The following NRXN1 variants were observed in gnomAD, a reference collection of about 807,000 sequenced individuals.
NRXN1 encodes neurexin 1.
NRXN1 carries 39 observed loss-of-function variants against 150.9 expected under a neutral mutation model. That is an observed-to-expected ratio of 0.26 (90% CI 0.20 to 0.34). The LOEUF is 0.34. NRXN1 is among the 10% of genes least tolerant of loss of function. The pLI is 1.00. For synonymous variants in NRXN1, 924 were observed against 757.0 expected, an observed-to-expected ratio of 1.22 and a Z score of -3.62; for missense variants, 1,815 against 1,949.9, an observed-to-expected ratio of 0.93 and a Z score of 1.30.
At chr2:50,620,703 A>C (rs1679857145) in intron 7 of NRXN1, among the ~76,000 whole-genome samples, 1 of 152,180 alleles carries the variant, frequency 6.6e-6, no homozygotes, top group Admixed American at 6.5e-5. Context: ...GAAAAGGCAA[A>C]ACAACCAGTA....
intron 5 of NRXN1, among the ~76,000 whole-genome samples, chr2:50,630,397 A>G (rs1682061532): frequency 6.6e-6 from 1 of 151,672 alleles, no homozygotes; most frequent in Non-Finnish European, 1.5e-5. Context: ...TCACACAAAA[A>G]TTGATTCTCA....
chr2:50,394,790 G>C (rs1412838245), intron 17 of NRXN1, among the ~76,000 whole-genome samples: 1 of 152,004 alleles, frequency 6.6e-6, no homozygotes, highest in East Asian at 1.9e-4. Context: ...TAACCTGAAT[G>C]ATATGAGAAG....
chr2:50,960,985 T>C (rs1053813762), intron 2 of NRXN1, among the ~76,000 whole-genome samples: 1 of 151,956 alleles, frequency 6.6e-6, no homozygotes, highest in African/African-American at 2.4e-5. Flanking sequence ...ACCACCATTT[T>C]CGGGTGAGTA....
intron 18 of NRXN1, among the ~76,000 whole-genome samples, chr2:50,214,244 A>G (rs1398791551): frequency 1.3e-5 from 2 of 151,968 alleles, no homozygotes; most frequent in Admixed American, 1.3e-4. Context: ...GCCCTGTAGG[A>G]AGAACTAGCA....
rs141685174 is a variant in NRXN1, at chr2:50,298,039, C to T, written c.3365-61069G>A. Among the ~76,000 whole-genome samples, 943 of 151,938 alleles carry T rather than the reference C, an allele frequency of 6.2e-3. 10 individuals are homozygous for T. Among genetic ancestry groups the T allele is most frequent in the Non-Finnish European group, 7.2e-3 (487 of 67,970 alleles). ...TCTCAATATTTTAGCTTTCCCTAATCGGCTTAATTTTAATATTAAAATATT... is the reference window on the plus strand; with the variant it reads ...TCTCAATATTTTAGCTTTCCCTAATTGGCTTAATTTTAATATTAAAATATT... On this transcript the variant is annotated intron_variant, in intron 17 of 22. Coordinates refer to ENST00000401669, the MANE Select transcript of NRXN1 (RefSeq NM_001330078.2).
At chr2:50,765,692 G>A (rs552744622) in intron 5 of NRXN1, among the ~76,000 whole-genome samples, 96 of 152,114 alleles carry the variant, frequency 6.3e-4, no homozygotes, top group Admixed American at 1.5e-3. Context: ...AAGCACTTGC[G>A]CAGTAATTCA....
chr2:50,578,622 T>C (rs771013564), intron 8 of NRXN1, among the ~76,000 whole-genome samples: 7 of 152,172 alleles, frequency 4.6e-5, no homozygotes, highest in Non-Finnish European at 1.0e-4. Context: ...TGTGCATGTG[T>C]GTATTTAATT....
chr2:50,397,617 T>G (rs1402127), intron 17 of NRXN1, among the ~76,000 whole-genome samples: 84,825 of 151,840 alleles, frequency 0.56, 24,802 homozygotes, highest in East Asian at 0.81. Flanking sequence ...TCTCTCTTTT[T>G]TAAATCTGAG....
chr2:50,136,195 G>A (rs1403667741), intron 18 of NRXN1, among the ~76,000 whole-genome samples: 1 of 152,088 alleles, frequency 6.6e-6, no homozygotes, highest in East Asian at 1.9e-4. Context: ...AGCTGTAGAG[G>A]GAGAGCATAT....
chr2:50,500,877 A>T (rs2091905724), intron 13 of NRXN1, among the ~76,000 whole-genome samples: 1 of 152,186 alleles, frequency 6.6e-6, no homozygotes, highest in African/African-American at 2.4e-5. Flanking sequence ...TTCACTTAAA[A>T]TTGCTGATTG....
intron 18 of NRXN1, among the ~76,000 whole-genome samples, chr2:50,200,161 A>G (rs73930306): frequency 0.019 from 2,969 of 152,302 alleles, 101 homozygotes; most frequent in African/African-American, 0.068. Context: ...TACACCAGTA[A>G]ACAAAACCTA....
intron 5 of NRXN1, among the ~76,000 whole-genome samples, chr2:50,870,144 T>C (rs1277529202): frequency 6.6e-6 from 1 of 151,930 alleles, no homozygotes; most frequent in Non-Finnish European, 1.5e-5. Context: ...ATCAAATATG[T>C]GAAATTTGGA....
chr2:50,278,361 G>T (rs2070939895), intron 17 of NRXN1, among the ~76,000 whole-genome samples: 1 of 139,644 alleles, frequency 7.2e-6, no homozygotes, highest in Admixed American at 7.5e-5. Flanking sequence ...CACCATGTTA[G>T]CCAGGCTGGT....
chr2:50,252,233 C>CTTTTTTTTTTTT (rs55993018), intron 17 of NRXN1, among the ~76,000 whole-genome samples: 9 of 94,910 alleles, frequency 9.5e-5, no homozygotes, highest in East Asian at 3.3e-4. Flanking sequence ...ACATTTTGTC[C>CTTTTTTTTTTTT]TTTTTTTTTT....
chr2:50,883,125 T>A (rs1287730520), intron 5 of NRXN1, among the ~76,000 whole-genome samples: 1 of 151,888 alleles, frequency 6.6e-6, no homozygotes, highest in Non-Finnish European at 1.5e-5. Flanking sequence ...AACTAACTGC[T>A]CTCTCTGAAA....
intron 5 of NRXN1, among the ~76,000 whole-genome samples, chr2:50,748,098 C>T (rs539627535): frequency 2.0e-5 from 3 of 152,152 alleles, no homozygotes; most frequent in African/African-American, 4.8e-5. Context: ...ACTGTCCCCA[C>T]GTATAGACGA....
At chr2:50,067,196 G>A (rs1695495355) in intron 19 of NRXN1, among the ~76,000 whole-genome samples, 1 of 152,090 alleles carries the variant, frequency 6.6e-6, no homozygotes, top group African/African-American at 2.4e-5. Flanking sequence ...GGTGCTTTGG[G>A]GAAGAAATTA....
At position 50,398,042 on chromosome 2, in the gene NRXN1, AC is replaced by A. The variant is rs544473551; in HGVS notation, c.3364+67399del. On this transcript the variant is annotated intron_variant, in intron 17 of 22. Transcript: ENST00000401669. ...TAGAAAGGAAGAATGTTGGAAAAAA[AC>A]ATCATATTTGGTTTAAACATTGCTT... 3.9e-5 allele frequency among the ~76,000 whole-genome samples: 6 copies of A among 152,160 alleles called. 1 individual carries two copies. The South Asian group carries it at 1.2e-3, about 31-fold the overall frequency.
At chr2:50,522,994 C>G (rs532457832) in intron 12 of NRXN1, among the ~76,000 whole-genome samples, 1 of 152,138 alleles carries the variant, frequency 6.6e-6, no homozygotes, top group South Asian at 2.1e-4. Context: ...CTCAGCCTCC[C>G]AAACTGCTGG....
Sources: gnomAD v4.1 joint callset for allele counts (sites outside exome capture counted in the v4.1 genomes callset) on GRCh38, gnomAD v4.1.1 for gene constraint, MANE v1.5 for transcripts, NCBI Gene and HGNC (gene_info 2026-07-23, HGNC 2026-07-21) for gene names.